HS2ST1: variants seen among roughly 807,000 people sequenced by gnomAD.
HS2ST1 encodes heparan sulfate 2-O-sulfotransferase 1.
HS2ST1 carries 18 observed loss-of-function variants against 42.9 expected under a neutral mutation model. That is an observed-to-expected ratio of 0.42 (90% CI 0.29 to 0.62). The LOEUF is 0.62. HS2ST1 is among the 20% of genes least tolerant of loss of function. HS2ST1 has a pLI of 0.21. For missense variants in HS2ST1, 334 were observed against 433.8 expected (o/e 0.77, Z 2.04); for synonymous variants, 146 against 152.9 (o/e 0.95, Z 0.33).
intron 2 of HS2ST1, among the ~76,000 whole-genome samples, chr1:87,076,227 C>G (rs1651540139): frequency 6.6e-6 from 1 of 152,102 alleles, no homozygotes. Flanking sequence ...CTTCTCTAGA[C>G]TAGAGAGACA....
intron 5 of HS2ST1, among the ~76,000 whole-genome samples, chr1:87,101,605 G>A (rs1304629384): frequency 6.6e-6 from 1 of 152,148 alleles, no homozygotes; most frequent in Non-Finnish European, 1.5e-5. Flanking sequence ...GACCTCATCA[G>A]CCTGGACTTC....
intron 5 of HS2ST1, 94 bp from the exon 6 acceptor site, chr1:87,103,338 T>G (rs1652259222): frequency 8.8e-7 from 1 of 1,137,432 alleles, no homozygotes; most frequent in Non-Finnish European, 1.2e-6. Context: ...ATACATGTGT[T>G]TATCTATTTT....
At chr1:87,092,275 T>C (rs935002527) in intron 3 of HS2ST1, among the ~76,000 whole-genome samples, 4 of 152,084 alleles carry the variant, frequency 2.6e-5, no homozygotes, top group African/African-American at 9.7e-5. Context: ...AAGTTTAAAA[T>C]TATTTTTCAT....
intron 1 of HS2ST1, among the ~76,000 whole-genome samples, chr1:86,964,706 ATTCTT>A (rs1243245879): frequency 6.6e-6 from 1 of 152,236 alleles, no homozygotes; most frequent in Admixed American, 6.5e-5. Context: ...CTTTAAGAAT[ATTCTT>A]TAGTAATTGC....
intron 1 of HS2ST1, among the ~76,000 whole-genome samples, chr1:87,055,710 T>C (rs1310783434): frequency 1.3e-5 from 2 of 152,214 alleles, no homozygotes; most frequent in East Asian, 1.9e-4. Flanking sequence ...AATTCTAAGA[T>C]GTTAGTTGCC....
At chr1:86,925,771 AT>A (rs986299774) in intron 1 of HS2ST1, among the ~76,000 whole-genome samples, 12 of 151,928 alleles carry the variant, frequency 7.9e-5, no homozygotes, top group Non-Finnish European at 1.6e-4. Context: ...GCTTTTCCTA[AT>A]TTTTTTTGAA....
At chr1:87,097,518 T>C (rs1570546336) in intron 4 of HS2ST1, among the ~76,000 whole-genome samples, 1 of 152,096 alleles carries the variant, frequency 6.6e-6, no homozygotes, top group African/African-American at 2.4e-5. Context: ...CTCAGCCTCC[T>C]GAGTAGCTGG....
At chr1:87,017,541 A>G (rs1458375417) in intron 1 of HS2ST1, among the ~76,000 whole-genome samples, 2 of 152,234 alleles carry the variant, frequency 1.3e-5, no homozygotes, top group South Asian at 2.1e-4. Flanking sequence ...TGTTCTAAGT[A>G]TTAGCTAATC....
rs139069664 is a variant in HS2ST1, at chr1:86,996,081, G to A, written c.125-76853G>A. Among the ~76,000 whole-genome samples the A allele has an allele frequency of 3.8e-3, 584 of 152,156 alleles. 4 individuals carry two copies. The highest frequency in any genetic ancestry group is 0.021 in the Middle Eastern group (6 of 292). On this transcript the variant is annotated intron_variant, in intron 1 of 6. Coordinates refer to ENST00000370550, the MANE Select transcript of HS2ST1 (RefSeq NM_012262.4). Reference sequence around the variant, plus strand: ...TTTAATGATAGCCTGTAACTAGGTAGGGACAGTAGATAAGGATGGTTTAAT... The same window carrying A: ...TTTAATGATAGCCTGTAACTAGGTAAGGACAGTAGATAAGGATGGTTTAAT...
At chr1:86,988,025 G>C (rs1029813530) in intron 1 of HS2ST1, among the ~76,000 whole-genome samples, 1 of 152,194 alleles carries the variant, frequency 6.6e-6, no homozygotes, top group Non-Finnish European at 1.5e-5. Context: ...CCAAATAAAG[G>C]TTGCTGGTCT....
chr1:87,064,843 A>G (rs941034857), intron 1 of HS2ST1, among the ~76,000 whole-genome samples: 2 of 152,040 alleles, frequency 1.3e-5, no homozygotes, highest in African/African-American at 4.8e-5. Context: ...AAAAATTTTT[A>G]GTAGAGACAA....
At chr1:87,102,065 T>G (rs557759654) in intron 5 of HS2ST1, among the ~76,000 whole-genome samples, 1 of 152,046 alleles carries the variant, frequency 6.6e-6, no homozygotes, top group East Asian at 1.9e-4. Context: ...TTATTATTAT[T>G]ATTATTTTTG....
rs182835950 is a variant in HS2ST1, at chr1:87,108,633, A to C, written c.*3937A>C. 2.6e-5 allele frequency: 4 copies of C among 152,170 alleles called. No individual in the cohort carries two copies. The East Asian group carries it at 7.7e-4, about 29-fold the overall frequency. The allele number at this position is 152,170 out of a possible 1,614,324, so 9.4% of individuals were successfully genotyped here. A position where few individuals can be genotyped will look rare whatever the true frequency, so the allele number is the denominator to read the frequency against. On this transcript the variant is annotated 3_prime_UTR_variant, in exon 7 of 7. Transcript: ENST00000370550. ...GAGCTTTCTGATTTCTTGGAGCAGG[A>C]ATTTTAGAGATTGAAATGAATGATC...
intron 1 of HS2ST1, among the ~76,000 whole-genome samples, chr1:87,039,009 AT>A (rs1650453795): frequency 6.6e-6 from 1 of 152,196 alleles, no homozygotes; most frequent in Non-Finnish European, 1.5e-5. Flanking sequence ...TATGGAAAAA[AT>A]AAATTAGTAA....
chr1:86,921,156 G>A (rs941700029), intron 1 of HS2ST1, among the ~76,000 whole-genome samples: 1 of 152,094 alleles, frequency 6.6e-6, no homozygotes, highest in Non-Finnish European at 1.5e-5. Flanking sequence ...GTTGTTATTG[G>A]CTGAAGTATG....
chr1:87,026,440 C>G (rs1650088069), intron 1 of HS2ST1, among the ~76,000 whole-genome samples: 1 of 152,122 alleles, frequency 6.6e-6, no homozygotes, highest in African/African-American at 2.4e-5. Flanking sequence ...CGTAAGTAAT[C>G]TTAATACCTT....
chr1:87,008,233 T>A (rs1649496819), intron 1 of HS2ST1, among the ~76,000 whole-genome samples: 1 of 152,176 alleles, frequency 6.6e-6, no homozygotes, highest in Non-Finnish European at 1.5e-5. Flanking sequence ...ATATAATCAA[T>A]ATGTAGAGTG....
At chr1:86,968,035 C>T (rs567490576) in intron 1 of HS2ST1, among the ~76,000 whole-genome samples, 95 of 152,110 alleles carry the variant, frequency 6.2e-4, no homozygotes, top group Non-Finnish European at 1.2e-3. Flanking sequence ...TTTGCATTTC[C>T]CTGATGATTA....
intron 1 of HS2ST1, among the ~76,000 whole-genome samples, chr1:87,052,259 A>G (rs1455902837): frequency 1.3e-5 from 2 of 148,854 alleles, no homozygotes; most frequent in African/African-American, 5.0e-5. Flanking sequence ...TCTCAAAAAA[A>G]ATTTTTTTTT....
Sources: gnomAD v4.1 joint callset for allele counts (sites outside exome capture counted in the v4.1 genomes callset) on GRCh38, gnomAD v4.1.1 for gene constraint, MANE v1.5 for transcripts, NCBI Gene and HGNC (gene_info 2026-07-23, HGNC 2026-07-21) for gene names.